PCDHGA9: variants seen among roughly 807,000 people sequenced by gnomAD.
PCDHGA9 encodes protocadherin gamma-A9.
Under a neutral mutation model 62.5 loss-of-function variants are expected in PCDHGA9, and 37 were observed. That is an observed-to-expected ratio of 0.59 (90% CI 0.46 to 0.78). The LOEUF is 0.78. Ranked by LOEUF, PCDHGA9 falls within the 30% of genes least tolerant of loss-of-function variation. PCDHGA9 has a pLI of 0.00. For synonymous variants in PCDHGA9, 459 were observed against 484.6 expected (o/e 0.95, Z 0.69); for missense variants, 1,138 against 1,166.2 (o/e 0.98, Z 0.35).
intron 1 of PCDHGA9, chr5:141,478,884 C>T (rs767294994): frequency 9.2e-5 from 110 of 1,194,180 alleles, no homozygotes; most frequent in Non-Finnish European, 1.2e-4. Context: ...AGCTTGGTAT[C>T]ATTTACATTA....
At chr5:141,463,438 CTTTTTTTTTTTTTT>C (rs71576115) in intron 1 of PCDHGA9, among the ~76,000 whole-genome samples, 7 of 103,256 alleles carry the variant, frequency 6.8e-5, no homozygotes, top group Non-Finnish European at 9.4e-5. Flanking sequence ...TTTCCTTCTC[CTTTTTTTTTTTTTT>C]TTTTTTTTTT....
Position 141,476,263 on chromosome 5 carries a change from C to G in PCDHGA9, c.2425-18544C>G. 13 of 1,613,940 alleles carry G rather than the reference C, an allele frequency of 8.1e-6. No individual in the cohort carries two copies. Among genetic ancestry groups the G allele is most frequent in the Non-Finnish European group, 1.1e-5 (13 of 1,180,010 alleles). On this transcript the variant is annotated intron_variant, in intron 1 of 3. Transcript: ENST00000573521. This position sits in a 1 kb window ranked among gnomAD's most constrained non-coding sequence, Gnocchi z 7.6. ...GAGAGAAGGGTTTCGCTGTGGGCAA[C>G]GTGGTCGCGAACCTTGGTTTGGATC...
Position 141,486,390 on chromosome 5 carries a change from C to G in PCDHGA9, c.2425-8417C>G. 6.2e-7 allele frequency: 1 copy of G among 1,614,138 alleles called. No individual in the cohort carries two copies. The highest frequency in any genetic ancestry group is 8.5e-7 in the Non-Finnish European group (1 of 1,179,996). Reference sequence around the variant, plus strand: ...AAGTCTGCCTTCAGGAACCAGTTCTCCCTGGTGACTGCTGGACCCTTGGAT... The same window carrying G: ...AAGTCTGCCTTCAGGAACCAGTTCTGCCTGGTGACTGCTGGACCCTTGGAT... On this transcript the variant is annotated intron_variant, in intron 1 of 3. Coordinates refer to ENST00000573521, the MANE Select transcript of PCDHGA9 (RefSeq NM_018921.3). This position sits in a 1 kb window ranked among gnomAD's most constrained non-coding sequence, Gnocchi z 5.0.
chr5:141,467,055 C>CTT (rs1193465269), intron 1 of PCDHGA9, among the ~76,000 whole-genome samples: 5 of 134,496 alleles, frequency 3.7e-5, no homozygotes, highest in African/African-American at 5.4e-5. Context: ...TCAATGTTTT[C>CTT]TTTTTTTTTT....
chr5:141,427,435 T>G, intron 1 of PCDHGA9: 1 of 474,160 alleles, frequency 2.1e-6, no homozygotes, highest in Non-Finnish European at 4.2e-6. Context: ...ACATGCCTCA[T>G]AAACGAAAGA....
In PCDHGA9 at chr5:141,511,223, A is replaced by G. The variant is rs1193308928; in HGVS notation, c.*50A>G. On this transcript the variant is annotated 3_prime_UTR_variant, in exon 4 of 4. Transcript: ENST00000573521. ...AGGGCGGCCTCTCCCCAACCAGCCC[A>G]GCTTCTCCTTACCTGCACCCAGGCC... 1 of 1,604,390 alleles carries G rather than the reference A, an allele frequency of 6.2e-7. No individual in the cohort carries two copies.
Position 141,419,293 on chromosome 5 carries a change from C to A in PCDHGA9, c.2424+13917C>A, listed in dbSNP as rs748856660. 1.5e-5 allele frequency: 25 copies of A among 1,614,026 alleles called. No individual in the cohort carries two copies. The African/African-American group carries it at 3.2e-4, about 21-fold the overall frequency. Reference sequence around the variant, plus strand: ...CCATAGCGCAAGTCAGTGCCTCTGACCCAGACTTCGGGCTCAACGGCCGTG... The same window carrying A: ...CCATAGCGCAAGTCAGTGCCTCTGAACCAGACTTCGGGCTCAACGGCCGTG... On this transcript the variant is annotated intron_variant, in intron 1 of 3. Transcript: ENST00000573521.
intron 1 of PCDHGA9, chr5:141,427,231 G>A (rs1561827383): frequency 2.2e-6 from 1 of 456,612 alleles, no homozygotes; most frequent in African/African-American, 2.0e-5. Flanking sequence ...TATACCATGA[G>A]AGTAGAAGCT....
rs370237298 is a variant in PCDHGA9 at position 141,487,298 on chromosome 5, G to A, written c.2425-7509G>A. ...TTGCTTTGTCTCCTTTGGCTCATTCGTGGCACTACTCTCTAAGTGTCTTCG... is the reference window on the plus strand; with the variant it reads ...TTGCTTTGTCTCCTTTGGCTCATTCATGGCACTACTCTCTAAGTGTCTTCG... On this transcript the variant is annotated intron_variant, in intron 1 of 3. Coordinates refer to ENST00000573521, the MANE Select transcript of PCDHGA9 (RefSeq NM_018921.3). The surrounding 1 kb of genome is among the most constrained non-coding windows in gnomAD (Gnocchi z 5.0). The A allele has an allele frequency of 3.2e-5, 51 of 1,614,072 alleles. 1 individual carries two copies. Among genetic ancestry groups the A allele is most frequent in the South Asian group, 5.5e-5 (5 of 91,082 alleles).
chr5:141,500,499 G>T lies in PCDHGA9; in HGVS notation c.2484-4894G>T, dbSNP rs531501031. On this transcript the variant is annotated intron_variant, in intron 2 of 3. Transcript: ENST00000573521. ...GCTGGGATTACAGGCGTGAGCCACC[G>T]CGCCTGGCCGAGCTTCATTTTAAAA... Among the ~76,000 whole-genome samples, 24 of 152,088 alleles carry T rather than the reference G, an allele frequency of 1.6e-4. 1 individual carries two copies. In the Middle Eastern group the frequency reaches 0.01, roughly 65 times the overall value.
intron 2 of PCDHGA9, among the ~76,000 whole-genome samples, chr5:141,500,421 G>A (rs1247202322): frequency 6.6e-6 from 1 of 151,852 alleles, no homozygotes; most frequent in Non-Finnish European, 1.5e-5. Flanking sequence ...GTGTTAGCCA[G>A]GATGGTCTCG....
chr5:141,452,010 G>A (rs955708033), intron 1 of PCDHGA9, among the ~76,000 whole-genome samples: 1 of 152,192 alleles, frequency 6.6e-6, no homozygotes, highest in African/African-American at 2.4e-5. Context: ...ACTTGGTCCA[G>A]CCCACACTCT....
At chr5:141,414,722 G>T in intron 1 of PCDHGA9, 1 of 1,614,128 alleles carries the variant, frequency 6.2e-7, no homozygotes, top group South Asian at 1.1e-5. Flanking sequence ...TCAGACACTG[G>T]CGTCCTGTAT....
At position 141,405,351 on chromosome 5, in the gene PCDHGA9, C is replaced by T. The variant is rs2094645564; in HGVS notation, c.2399C>T (p.Pro800Leu). Residue 800 changes from proline (P) to leucine (L), a missense_variant, in exon 1 of 4, where the codon CCT becomes CTT. By Grantham distance (98) the Pro-to-Leu change is moderately conservative. Coordinates refer to ENST00000573521, the MANE Select transcript of PCDHGA9 (RefSeq NM_018921.3). ...PLCVSVDSKF[P>L]IEDTPLVPQA... Reference sequence around the variant, plus strand: ...TGCGTCTCTGTTGATTCCAAGTTTCCTATAGAAGACACCCCTTTGGTTCCG... The same window carrying T: ...TGCGTCTCTGTTGATTCCAAGTTTCTTATAGAAGACACCCCTTTGGTTCCG... The T allele has an allele frequency of 6.2e-7, 1 of 1,613,962 alleles. No homozygotes were observed. The highest frequency in any genetic ancestry group is 8.5e-7 in the Non-Finnish European group (1 of 1,179,970).
intron 1 of PCDHGA9, among the ~76,000 whole-genome samples, chr5:141,433,989 T>C (rs898601470): frequency 6.6e-6 from 1 of 152,248 alleles, no homozygotes; most frequent in Non-Finnish European, 1.5e-5. Context: ...AGAAGAGTTT[T>C]ATATTCTCTA....
At position 141,482,530 on chromosome 5, in the gene PCDHGA9, C is replaced by CAA. The variant is rs3074545; in HGVS notation, c.2425-12259_2425-12258dup. ...CAGAGTACAGTATGAGACAGACATG[C>CAA]AAAAAAAAAAAAAAAAAAAGATAAT... On this transcript the variant is annotated intron_variant, in intron 1 of 3. Transcript: ENST00000573521. Among the ~76,000 whole-genome samples the CAA allele has an allele frequency of 5.5e-3, 422 of 76,516 alleles. 18 individuals are homozygous for CAA. Among genetic ancestry groups the CAA allele is most frequent in the African/African-American group, 0.016 (343 of 20,862 alleles). The allele number at this position is 76,516 out of a possible 152,430, so 50.2% of individuals were successfully genotyped here.
chr5:141,431,868 A>G lies in PCDHGA9; in HGVS notation c.2424+26492A>G, dbSNP rs755283039. On this transcript the variant is annotated intron_variant, in intron 1 of 3. Coordinates refer to ENST00000573521, the MANE Select transcript of PCDHGA9 (RefSeq NM_018921.3). This position sits in a 1 kb window ranked among gnomAD's most constrained non-coding sequence, Gnocchi z 4.8. ...AGAGGGACATTAATTGCCCTTTTAAATGTAAATGACCAAGATTCTGAGGAA... is the reference window on the plus strand; with the variant it reads ...AGAGGGACATTAATTGCCCTTTTAAGTGTAAATGACCAAGATTCTGAGGAA... 4.3e-6 allele frequency: 7 copies of G among 1,614,102 alleles called. No individual in the cohort carries two copies. In the South Asian group the frequency reaches 6.6e-5, roughly 15 times the overall value.
At position 141,482,865 on chromosome 5, in the gene PCDHGA9, A is replaced by G. The variant is rs557581796; in HGVS notation, c.2425-11942A>G. ...GGTGGGCAGATCACTTGAGGTCAGG[A>G]GTTTGAAACCAGCCTGGCCAACATG... On this transcript the variant is annotated intron_variant, in intron 1 of 3. Coordinates refer to ENST00000573521, the MANE Select transcript of PCDHGA9 (RefSeq NM_018921.3). Among the ~76,000 whole-genome samples, 66 of 152,206 alleles carry G rather than the reference A, an allele frequency of 4.3e-4. 1 individual carries two copies. Among genetic ancestry groups the G allele is most frequent in the African/African-American group, 1.5e-3 (61 of 41,516 alleles).
chr5:141,477,212 C>T lies in PCDHGA9; in HGVS notation c.2425-17595C>T, dbSNP rs1488282405. On this transcript the variant is annotated intron_variant, in intron 1 of 3. Coordinates refer to ENST00000573521, the MANE Select transcript of PCDHGA9 (RefSeq NM_018921.3). This position sits in a 1 kb window ranked among gnomAD's most constrained non-coding sequence, Gnocchi z 4.9. ...GTACAGCCCAGTACCCGAGGATGCC[C>T]CTCTGGGGACTGTCATCGCTTTGCT... 11 of 1,614,048 alleles carry T rather than the reference C, an allele frequency of 6.8e-6. No individual in the cohort carries two copies. The highest frequency in any genetic ancestry group is 1.3e-5 in the African/African-American group (1 of 74,918).
Sources: allele counts gnomAD v4.1 joint callset (sites outside exome capture counted in the v4.1 genomes callset), GRCh38; gene constraint gnomAD v4.1.1; non-coding constraint Gnocchi (gnomAD v3.1); transcripts MANE v1.5; gene names NCBI Gene and HGNC (gene_info 2026-07-23, HGNC 2026-07-21).